Variants in OLA1 observed in about 807,000 individuals in gnomAD.
OLA1 encodes obg-like ATPase 1.
A neutral mutation model predicts 48.4 loss-of-function variants in OLA1; 14 were observed. That is an observed-to-expected ratio of 0.29 (90% CI 0.19 to 0.45). The LOEUF is 0.45. Ranked by LOEUF, OLA1 falls within the 20% of genes least tolerant of loss-of-function variation. The pLI is 1.00. For missense variants in OLA1, 325 were observed against 467.1 expected, an observed-to-expected ratio of 0.70 and a Z score of 2.80; for synonymous variants, 127 against 150.4, an observed-to-expected ratio of 0.84 and a Z score of 1.14.
In OLA1 at chr2:174,078,777, T is replaced by A. The variant is rs578250672; in HGVS notation, c.1089+191A>T. Among the ~76,000 whole-genome samples, 19 of 152,072 alleles carry A rather than the reference T, an allele frequency of 1.2e-4. No homozygotes were observed. In the East Asian group the frequency reaches 3.5e-3, roughly 28 times the overall value. ...AAACTACTGACAATTCACACATTTT[T>A]AAAATGATCTAAAAGTATGTAAACA... On this transcript the variant is annotated intron_variant, in intron 10 of 10. Coordinates refer to ENST00000284719, the MANE Select transcript of OLA1 (RefSeq NM_013341.5).
chr2:174,186,818 G>A (rs1010324554), intron 4 of OLA1, among the ~76,000 whole-genome samples: 2 of 152,130 alleles, frequency 1.3e-5, no homozygotes, highest in African/African-American at 4.8e-5. Context: ...TGGAGAAACT[G>A]GACAGCGGGG....
At chr2:174,138,286 AT>A (rs1326753196) in intron 5 of OLA1, among the ~76,000 whole-genome samples, 1 of 152,190 alleles carries the variant, frequency 6.6e-6, no homozygotes, top group Non-Finnish European at 1.5e-5. Flanking sequence ...TATTATTAAT[AT>A]TTGGCCCAAT....
At chr2:174,150,401 T>C (rs1231992992) in intron 4 of OLA1, among the ~76,000 whole-genome samples, 1 of 152,230 alleles carries the variant, frequency 6.6e-6, no homozygotes, top group Non-Finnish European at 1.5e-5. Context: ...GGCTCCATGA[T>C]TGTAAGAAAT....
intron 7 of OLA1, among the ~76,000 whole-genome samples, chr2:174,119,446 C>A (rs1037111995): frequency 6.6e-6 from 1 of 152,072 alleles, no homozygotes; most frequent in South Asian, 2.1e-4. Flanking sequence ...TATTTATATG[C>A]ATATATGTGT....
In OLA1 at chr2:174,075,316, G is replaced by A; in HGVS notation, c.*110C>T. ...AAATAAAAATAATTTGTTTGTCAAA[G>A]ATTCCCATCTCCCCAACTTTATTTG... is the stretch of plus-strand genomic sequence containing the variant. On this transcript the variant is annotated 3_prime_UTR_variant, in exon 11 of 11. Coordinates refer to ENST00000284719, the MANE Select transcript of OLA1 (RefSeq NM_013341.5). The A allele has an allele frequency of 3.6e-6, 2 of 555,462 alleles. No individual in the cohort carries two copies. The highest frequency in any genetic ancestry group is 3.3e-6 in the Non-Finnish European group (1 of 306,500). 34.4% of individuals were successfully genotyped at this position (555,462 alleles called of 1,614,324 possible). A position where few individuals can be genotyped will look rare whatever the true frequency, so the allele number is the denominator to read the frequency against.
At chr2:174,204,389 A>C (rs1336713870) in intron 4 of OLA1, among the ~76,000 whole-genome samples, 1 of 152,136 alleles carries the variant, frequency 6.6e-6, no homozygotes, top group Non-Finnish European at 1.5e-5. Flanking sequence ...CGACAGAGCG[A>C]GACTCTGTCT....
At chr2:174,150,475 T>G (rs547202425) in intron 4 of OLA1, among the ~76,000 whole-genome samples, 2 of 152,194 alleles carry the variant, frequency 1.3e-5, no homozygotes, top group African/African-American at 4.8e-5. Context: ...GAAAACATAT[T>G]AAGATACCTT....
chr2:174,141,293 T>C (rs565067405), intron 5 of OLA1, among the ~76,000 whole-genome samples: 12 of 152,364 alleles, frequency 7.9e-5, no homozygotes, highest in African/African-American at 2.9e-4. Flanking sequence ...AGCTTCAAAA[T>C]ACATTTTGGA....
At chr2:174,192,720 A>T (rs1687799103) in intron 4 of OLA1, among the ~76,000 whole-genome samples, 1 of 152,146 alleles carries the variant, frequency 6.6e-6, no homozygotes, top group African/African-American at 2.4e-5. Flanking sequence ...CCTATGAAAG[A>T]CTATTTCTGT....
chr2:174,115,103 GA>G (rs1039266487), intron 7 of OLA1, among the ~76,000 whole-genome samples: 47 of 152,034 alleles, frequency 3.1e-4, no homozygotes, highest in South Asian at 1.5e-3. Flanking sequence ...AAAAGAAAAG[GA>G]AAAAAATGCT....
At chr2:174,167,645 G>A (rs1687196691) in intron 4 of OLA1, among the ~76,000 whole-genome samples, 1 of 151,980 alleles carries the variant, frequency 6.6e-6, no homozygotes, top group African/African-American at 2.4e-5. Context: ...TAGTAATTAA[G>A]GTATGATGGT....
At chr2:174,116,877 G>A (rs925651509) in intron 7 of OLA1, among the ~76,000 whole-genome samples, 2 of 152,046 alleles carry the variant, frequency 1.3e-5, no homozygotes, top group African/African-American at 4.8e-5. Flanking sequence ...CAATGAAACT[G>A]TTTTAAAAGG....
At chr2:174,122,711 G>C (rs1440863120) in intron 7 of OLA1, among the ~76,000 whole-genome samples, 2 of 150,318 alleles carry the variant, frequency 1.3e-5, no homozygotes, top group Non-Finnish European at 3.0e-5. Flanking sequence ...ATTTGAAACA[G>C]GTACTGGTCT....
rs534251887 is a variant in OLA1 at position 174,181,978 on chromosome 2, T to C, written c.374-39978A>G. On this transcript the variant is annotated intron_variant, in intron 4 of 10. Transcript: ENST00000284719. ...AGATTTTTGTTTCATTTGTTCACTATCATATCCTTGAGTGAATAAATTGTG... is the reference window on the plus strand; with the variant it reads ...AGATTTTTGTTTCATTTGTTCACTACCATATCCTTGAGTGAATAAATTGTG... Among the ~76,000 whole-genome samples, 3 of 152,342 alleles carry C rather than the reference T, an allele frequency of 2.0e-5. No homozygotes were observed. In the East Asian group the frequency reaches 5.8e-4, roughly 29 times the overall value.
intron 4 of OLA1, among the ~76,000 whole-genome samples, chr2:174,148,425 AGTTTAATTT>A (rs1338011171): frequency 6.6e-6 from 1 of 152,140 alleles, no homozygotes; most frequent in Non-Finnish European, 1.5e-5. Flanking sequence ...ACAATAAACA[AGTTTAATTT>A]GCACAAGGAG....
intron 4 of OLA1, among the ~76,000 whole-genome samples, chr2:174,169,757 T>G (rs904543262): frequency 6.6e-6 from 1 of 152,208 alleles, no homozygotes; most frequent in Non-Finnish European, 1.5e-5. Context: ...GATATCTTAG[T>G]AAGTGCAAAA....
At chr2:174,199,189 T>C (rs906341704) in intron 4 of OLA1, among the ~76,000 whole-genome samples, 3 of 152,210 alleles carry the variant, frequency 2.0e-5, no homozygotes, top group Non-Finnish European at 4.4e-5. Context: ...TAGAACCCCA[T>C]TTCTATGTGA....
At chr2:174,193,070 T>C (rs1181298508) in intron 4 of OLA1, among the ~76,000 whole-genome samples, 1 of 150,864 alleles carries the variant, frequency 6.6e-6, no homozygotes, top group Non-Finnish European at 1.5e-5. Context: ...GGTCATTATT[T>C]CTTAAAATAT....
chr2:174,163,742 AT>A (rs1405044348), intron 4 of OLA1, among the ~76,000 whole-genome samples: 3 of 39,302 alleles, frequency 7.6e-5, no homozygotes, highest in Admixed American at 5.1e-4. Flanking sequence ...ATATATATAT[AT>A]ATATATATAT....
Sources: allele counts gnomAD v4.1 joint callset (sites outside exome capture counted in the v4.1 genomes callset), GRCh38; gene constraint gnomAD v4.1.1; transcripts MANE v1.5; gene names NCBI Gene and HGNC (gene_info 2026-07-23, HGNC 2026-07-21).